Variants in CACNA2D1 observed in about 807,000 individuals in gnomAD.
CACNA2D1 encodes the protein voltage-dependent calcium channel subunit alpha-2/delta-1.
Under a neutral mutation model 171.5 loss-of-function variants are expected in CACNA2D1, and 53 were observed. That is an observed-to-expected ratio of 0.31 (90% CI 0.25 to 0.39). CACNA2D1 has a LOEUF of 0.39. CACNA2D1 is among the 10% of genes least tolerant of loss of function. CACNA2D1 has a pLI of 1.00. For missense variants in CACNA2D1, 903 were observed against 1,299.8 expected (o/e 0.69, Z 4.69); for synonymous variants, 442 against 443.1 (o/e 1.00, Z 0.03).
intron 3 of CACNA2D1, among the ~76,000 whole-genome samples, chr7:82,217,246 T>C (rs1351110691): frequency 1.3e-5 from 2 of 151,650 alleles, no homozygotes; most frequent in African/African-American, 4.9e-5. Flanking sequence ...GACAGTATCC[T>C]GAAGCTGTAA....
chr7:82,437,214 G>A (rs1485509072), intron 1 of CACNA2D1, among the ~76,000 whole-genome samples: 1 of 151,940 alleles, frequency 6.6e-6, no homozygotes, highest in African/African-American at 2.4e-5. Flanking sequence ...TAATGTTATG[G>A]TTAATAGTAA....
At chr7:82,122,010 GT>G (rs1789796896) in intron 5 of CACNA2D1, among the ~76,000 whole-genome samples, 1 of 152,060 alleles carries the variant, frequency 6.6e-6, no homozygotes. Context: ...AACAATTCTA[GT>G]TTTTAAAGAT....
At chr7:82,142,522 G>A (rs938607128) in intron 4 of CACNA2D1, among the ~76,000 whole-genome samples, 5 of 152,270 alleles carry the variant, frequency 3.3e-5, no homozygotes, top group Admixed American at 3.3e-4. Flanking sequence ...GAACTAAGAT[G>A]TTGCCAGGAA....
rs377103202 is a variant in CACNA2D1 at position 81,965,675 on chromosome 7, T to C, written c.2503-10A>G. The C allele has an allele frequency of 6.5e-7, 1 of 1,540,388 alleles. No individual in the cohort carries two copies. Among genetic ancestry groups the C allele is most frequent in the South Asian group, 1.1e-5 (1 of 89,538 alleles). ...TCACACAATCCATTACCTATCAAAATAAAGTGAACAGTTAACACATTTTTA... is the reference window on the plus strand; with the variant it reads ...TCACACAATCCATTACCTATCAAAACAAAGTGAACAGTTAACACATTTTTA... On this transcript the variant is annotated splice_polypyrimidine_tract_variant and intron_variant, in intron 31 of 38. Coordinates refer to ENST00000356860, the MANE Select transcript of CACNA2D1 (RefSeq NM_000722.4).
At chr7:82,029,849 A>G (rs1802446349) in intron 12 of CACNA2D1, 1 of 151,860 alleles carries the variant, frequency 6.6e-6, no homozygotes, top group African/African-American at 2.4e-5. Context: ...AGAATATTTT[A>G]ATTTTTATGT....
At chr7:82,203,362 T>G (rs1019311004) in intron 3 of CACNA2D1, among the ~76,000 whole-genome samples, 8 of 152,174 alleles carry the variant, frequency 5.3e-5, no homozygotes, top group Non-Finnish European at 1.0e-4. Context: ...GGCCAATGCC[T>G]TCTCTTCCCG....
At chr7:82,294,442 AT>A (rs1812024384) in intron 3 of CACNA2D1, among the ~76,000 whole-genome samples, 2 of 148,066 alleles carry the variant, frequency 1.4e-5, no homozygotes, top group African/African-American at 5.3e-5. Context: ...ATGACTCATC[AT>A]TTATTTTTAC....
chr7:81,952,449 G>GA (rs992142492), intron 38 of CACNA2D1, among the ~76,000 whole-genome samples: 6 of 151,878 alleles, frequency 4.0e-5, no homozygotes, highest in African/African-American at 9.7e-5. Flanking sequence ...AAGAATCTAT[G>GA]AAAAAATTTT....
At chr7:82,111,428 GTA>G (rs1201539599) in intron 6 of CACNA2D1, among the ~76,000 whole-genome samples, 1,050 of 50,346 alleles carry the variant, frequency 0.021, 77 homozygotes, top group Middle Eastern at 0.093. Context: ...ATATATGTGT[GTA>G]TATATATATA....
chr7:82,129,363 TTTGAC>T (rs1790695460), intron 5 of CACNA2D1, among the ~76,000 whole-genome samples: 1 of 152,216 alleles, frequency 6.6e-6, no homozygotes, highest in Non-Finnish European at 1.5e-5. Flanking sequence ...ATACATGTGC[TTTGAC>T]TTGATCTCTG....
intron 1 of CACNA2D1, among the ~76,000 whole-genome samples, chr7:82,360,244 T>C (rs946212663): frequency 4.6e-5 from 7 of 152,304 alleles, no homozygotes; most frequent in Middle Eastern, 3.4e-3. Context: ...GTCTGTTTCA[T>C]TGATAGAAAG....
At chr7:81,964,647 A>ATGCTTC (rs1794507838) in intron 32 of CACNA2D1, among the ~76,000 whole-genome samples, 1 of 151,928 alleles carries the variant, frequency 6.6e-6, no homozygotes, top group Non-Finnish European at 1.5e-5. Flanking sequence ...AGATGAATAA[A>ATGCTTC]ACAGGGCCGG....
chr7:82,156,390 C>G (rs994483947), intron 4 of CACNA2D1, among the ~76,000 whole-genome samples: 29 of 152,168 alleles, frequency 1.9e-4, no homozygotes, highest in South Asian at 2.1e-4. Flanking sequence ...TCCAAGGGAG[C>G]CTGAAAGCAG....
rs1403408140 is a variant in CACNA2D1, at chr7:82,056,025, A to AAT, written c.879+4402_879+4403insAT. On this transcript the variant is annotated intron_variant, in intron 10 of 38. Coordinates refer to ENST00000356860, the MANE Select transcript of CACNA2D1 (RefSeq NM_000722.4). ...CTCAAAAGTTAAAAAAAAAAAAAAA[A>AAT]AAAAAAGGCCAAGTATCAACACGGC... is the stretch of plus-strand genomic sequence containing the variant. Among the ~76,000 whole-genome samples the AAT allele has an allele frequency of 2.0e-3, 285 of 144,554 alleles. 1 individual carries two copies. The highest frequency in any genetic ancestry group is 3.7e-3 in the Middle Eastern group (1 of 268). 94.8% of individuals were successfully genotyped at this position (144,554 alleles called of 152,430 possible). A position where few individuals can be genotyped will look rare whatever the true frequency, so the allele number is the denominator to read the frequency against.
At chr7:81,996,912 A>G (rs999244102) in intron 19 of CACNA2D1, among the ~76,000 whole-genome samples, 1 of 152,108 alleles carries the variant, frequency 6.6e-6, no homozygotes. Flanking sequence ...ATACATTTGT[A>G]TTAGAATAGT....
chr7:82,005,297 G>T, intron 18 of CACNA2D1, 126 bp downstream of exon 18: 2 of 691,494 alleles, frequency 2.9e-6, no homozygotes, highest in South Asian at 1.7e-5. Flanking sequence ...TAAGAAGAGA[G>T]ACGCATTAGA....
intron 6 of CACNA2D1, among the ~76,000 whole-genome samples, chr7:82,109,711 T>C (rs78816329): frequency 0.081 from 12,360 of 152,236 alleles, 592 homozygotes; most frequent in South Asian, 0.16. Flanking sequence ...AAAATTGTTC[T>C]GTTTTATTCA....
At chr7:82,253,609 A>G (rs528329621) in intron 3 of CACNA2D1, among the ~76,000 whole-genome samples, 1 of 152,368 alleles carries the variant, frequency 6.6e-6, no homozygotes, top group South Asian at 2.1e-4. Context: ...CCGGCATACA[A>G]AATAAATGAA....
chr7:82,147,554 T>C (rs1434252320), intron 4 of CACNA2D1, among the ~76,000 whole-genome samples: 1 of 152,194 alleles, frequency 6.6e-6, no homozygotes, highest in East Asian at 1.9e-4. Context: ...TCTAAAACAT[T>C]TCATTTCTTA....
Sources: allele counts gnomAD v4.1 joint callset (sites outside exome capture counted in the v4.1 genomes callset), GRCh38; gene constraint gnomAD v4.1.1; transcripts MANE v1.5; gene names NCBI Gene and HGNC (gene_info 2026-07-23, HGNC 2026-07-21).